LCORL: variants seen among roughly 807,000 people sequenced by gnomAD.
LCORL encodes ligand dependent nuclear receptor corepressor like, also known as ligand-dependent nuclear receptor corepressor-like protein.
Under a neutral mutation model 141.8 loss-of-function variants are expected in LCORL, and 41 were observed. The ratio of observed to expected loss-of-function variants is 0.29; its 90% CI spans 0.23 to 0.38. The LOEUF (loss-of-function observed/expected upper bound fraction) is 0.38, where lower values mean the gene tolerates loss of function less well. Ranked by LOEUF, LCORL falls within the 10% of genes least tolerant of loss-of-function variation. LCORL has a pLI of 1.00. For synonymous variants in LCORL, 618 were observed against 694.1 expected (o/e 0.89, Z 1.72); for missense variants, 1,759 against 2,035.0 (o/e 0.86, Z 2.61).
intron 7 of LCORL, among the ~76,000 whole-genome samples, chr4:17,868,101 T>C (rs902740839): frequency 4.6e-5 from 7 of 152,184 alleles, no homozygotes; most frequent in Admixed American, 4.6e-4. Context: ...TTATCTTGTG[T>C]TCAGTGTTCA....
intron 3 of LCORL, 135 bp from the exon 4 acceptor site, chr4:17,962,167 G>A: frequency 2.1e-6 from 1 of 465,554 alleles, no homozygotes. Flanking sequence ...ATTAGATAGA[G>A]GGAACATAAA....
chr4:17,930,981 T>C (rs930015805), intron 4 of LCORL, among the ~76,000 whole-genome samples: 2 of 152,220 alleles, frequency 1.3e-5, no homozygotes, highest in Non-Finnish European at 2.9e-5. Flanking sequence ...CTGAGCTTTC[T>C]TGATACCTTT....
At chr4:17,917,124 G>T (rs1375281221) in intron 4 of LCORL, among the ~76,000 whole-genome samples, 1 of 152,026 alleles carries the variant, frequency 6.6e-6, no homozygotes, top group Non-Finnish European at 1.5e-5. Context: ...ACAGACATGT[G>T]CTACTGCGCC....
chr4:17,962,980 T>G, exon 3 of LCORL: 1 of 1,577,428 alleles, frequency 6.3e-7, no homozygotes, highest in Non-Finnish European at 8.6e-7. Flanking sequence ...ACTGACTGCT[T>G]CTCTCTGTAG....
chr4:17,912,189 T>C (rs376097490), intron 4 of LCORL: 30 of 875,380 alleles, frequency 3.4e-5, no homozygotes, highest in African/African-American at 1.2e-4. Context: ...CTGATGACTT[T>C]AGAGTCAAGT....
chr4:18,021,843 G>A lies in LCORL; in HGVS notation c.-92C>T, dbSNP rs1577775592. The A allele has an allele frequency of 4.4e-6, 6 of 1,366,868 alleles. No homozygotes were observed. The South Asian group carries it at 9.6e-5, about 22-fold the overall frequency. 84.7% of individuals were successfully genotyped at this position (1,366,868 alleles called of 1,614,324 possible). ...CCTCGGCGCGAGCCCCGGAGCGCGCGCCCCCCGGAGGGGGGTTGATTGACA... is the reference window on the plus strand; with the variant it reads ...CCTCGGCGCGAGCCCCGGAGCGCGCACCCCCCGGAGGGGGGTTGATTGACA... On this transcript the variant is annotated 5_prime_UTR_variant, in exon 1 of 8. Coordinates refer to ENST00000635767, the Ensembl canonical transcript of LCORL. The surrounding 1 kb of genome is among the most constrained non-coding windows in gnomAD (Gnocchi z 5.5).
intron 2 of LCORL, among the ~76,000 whole-genome samples, chr4:17,972,320 A>G (rs757303602): frequency 1.3e-5 from 2 of 151,838 alleles, no homozygotes; most frequent in Non-Finnish European, 3.0e-5. Flanking sequence ...ATATTAGTTC[A>G]CTTAGCCATT....
intron 4 of LCORL, among the ~76,000 whole-genome samples, chr4:17,913,342 T>C (rs1732878414): frequency 6.6e-6 from 1 of 152,128 alleles, no homozygotes; most frequent in South Asian, 2.1e-4. Context: ...ACCAGTGGGT[T>C]CAAGAGAAGC....
At chr4:17,848,045 T>C (rs998605196) in intron 7 of LCORL, among the ~76,000 whole-genome samples, 1 of 152,216 alleles carries the variant, frequency 6.6e-6, no homozygotes, top group Admixed American at 6.5e-5. Flanking sequence ...ATAAACTACA[T>C]GATTTTCCTT....
exon 7 of LCORL, chr4:17,876,038 G>A: frequency 6.5e-6 from 8 of 1,231,046 alleles, no homozygotes; most frequent in South Asian, 4.1e-5. Context: ...CATTTGAATG[G>A]GAAGTGCCAA....
At chr4:17,902,134 T>C (rs1730980619) in intron 5 of LCORL, among the ~76,000 whole-genome samples, 1 of 151,988 alleles carries the variant, frequency 6.6e-6, no homozygotes, top group Non-Finnish European at 1.5e-5. Flanking sequence ...AAAGCCAATA[T>C]GAAGACTAAA....
chr4:17,845,484 T>G, exon 8 of LCORL: 1 of 349,706 alleles, frequency 2.9e-6, no homozygotes, highest in Non-Finnish European at 5.2e-6. Context: ...GCATAAAAAA[T>G]TCACATAATA....
intron 1 of LCORL, among the ~76,000 whole-genome samples, chr4:17,994,063 A>G (rs982047270): frequency 6.6e-5 from 10 of 152,184 alleles, no homozygotes; most frequent in African/African-American, 2.4e-4. Context: ...TTGGTTGGAT[A>G]TGTGGGGCAT....
chr4:17,901,728 T>A (rs1236077680), intron 5 of LCORL, among the ~76,000 whole-genome samples: 1 of 151,226 alleles, frequency 6.6e-6, no homozygotes, highest in Non-Finnish European at 1.5e-5. Context: ...AACTTCAAAG[T>A]AAGCAAAGAA....
At chr4:18,004,830 C>T (rs572903463) in intron 1 of LCORL, among the ~76,000 whole-genome samples, 1 of 152,186 alleles carries the variant, frequency 6.6e-6, no homozygotes, top group South Asian at 2.1e-4. Flanking sequence ...GGGTAACAGA[C>T]ATTGGGTAAA....
chr4:17,972,908 G>C (rs1426177071), intron 1 of LCORL, 23 bp from the exon 2 acceptor site: 1 of 1,148,898 alleles, frequency 8.7e-7, no homozygotes, highest in South Asian at 2.1e-5. Context: ...AGAGAGAAAA[G>C]TATATTAACT....
At position 17,963,144 on chromosome 4, in the gene LCORL, T is replaced by G. The variant is rs1577563328; in HGVS notation, c.221-95A>C. 9 of 569,562 alleles carry G rather than the reference T, an allele frequency of 1.6e-5. No homozygotes were observed. The East Asian group carries it at 2.6e-4, about 16-fold the overall frequency. The allele number at this position is 569,562 out of a possible 1,614,324, so 35.3% of individuals were successfully genotyped here. ...CAGCAATGGCTCACATAATAATAATTTTTAAAAAACTAACAGTAATGGGAG... is the reference window on the plus strand; with the variant it reads ...CAGCAATGGCTCACATAATAATAATGTTTAAAAAACTAACAGTAATGGGAG... On this transcript the variant is annotated intron_variant, in intron 2 of 7. Transcript: ENST00000635767.
chr4:17,842,643 A>T, exon 8 of LCORL: 2 of 327,438 alleles, frequency 6.1e-6, no homozygotes, highest in South Asian at 4.2e-5. Flanking sequence ...ACATGATGTG[A>T]CTCCTCTTTG....
chr4:17,925,107 C>CAATT (rs1318807306), intron 4 of LCORL, among the ~76,000 whole-genome samples: 2 of 152,116 alleles, frequency 1.3e-5, no homozygotes, highest in African/African-American at 2.4e-5. Context: ...CCAGGAGACA[C>CAATT]AATTATTCCA....
Sources: allele counts gnomAD v4.1 joint callset (sites outside exome capture counted in the v4.1 genomes callset), GRCh38; gene constraint gnomAD v4.1.1; non-coding constraint Gnocchi (gnomAD v3.1); transcripts MANE v1.5; gene names NCBI Gene and HGNC (gene_info 2026-07-23, HGNC 2026-07-21).